Variants in RGS6 observed in about 807,000 individuals in gnomAD.
RGS6 encodes the protein regulator of G protein signaling 6.
Under a neutral mutation model 78.5 loss-of-function variants are expected in RGS6, and 30 were observed. The ratio of observed to expected loss-of-function variants is 0.38; its 90% CI spans 0.29 to 0.52. The LOEUF (loss-of-function observed/expected upper bound fraction) is 0.52, where lower values mean the gene tolerates loss of function less well. Ranked by LOEUF, RGS6 falls within the 20% of genes least tolerant of loss-of-function variation. The pLI, the probability that RGS6 is intolerant of heterozygous loss-of-function variation, is 0.85. For missense variants in RGS6, 495 were observed against 609.7 expected (o/e 0.81, Z 1.98); for synonymous variants, 206 against 206.0 (o/e 1.00, Z 0.00).
At chr14:72,450,163 A>G (rs994914937) in intron 3 of RGS6, among the ~76,000 whole-genome samples, 1 of 151,988 alleles carries the variant, frequency 6.6e-6, no homozygotes, top group Non-Finnish European at 1.5e-5. Context: ...CTCCATATTT[A>G]TATATATCTA....
At chr14:72,172,063 A>T (rs1400570007) in intron 2 of RGS6, among the ~76,000 whole-genome samples, 1 of 152,148 alleles carries the variant, frequency 6.6e-6, no homozygotes, top group Non-Finnish European at 1.5e-5. Context: ...AACTCATTTA[A>T]ATATGGAAGT....
chr14:72,527,280 T>C (rs1443641763), intron 15 of RGS6, among the ~76,000 whole-genome samples: 3 of 152,222 alleles, frequency 2.0e-5, no homozygotes, highest in Non-Finnish European at 4.4e-5. Context: ...CTAACTTTCC[T>C]GCAACCACAC....
the RGS6 span, among the ~76,000 whole-genome samples, chr14:72,603,445 A>T: frequency 6.6e-6 from 1 of 152,228 alleles, no homozygotes; most frequent in African/African-American, 2.4e-5. Context: ...CATGCCTATG[A>T]GGCAAACTGT....
intron 2 of RGS6, among the ~76,000 whole-genome samples, chr14:71,996,791 G>A (rs956124627): frequency 1.3e-5 from 2 of 152,076 alleles, no homozygotes; most frequent in East Asian, 1.9e-4. Flanking sequence ...GGAGGAAGGG[G>A]GTGGCGGGAG....
chr14:72,049,819 A>G (rs1237099668), intron 2 of RGS6, among the ~76,000 whole-genome samples: 1 of 152,218 alleles, frequency 6.6e-6, no homozygotes. Context: ...TTGTAATTTT[A>G]TCTGCCATGT....
the RGS6 span, among the ~76,000 whole-genome samples, chr14:71,887,819 T>C: frequency 6.6e-6 from 1 of 152,322 alleles, no homozygotes; most frequent in East Asian, 1.9e-4. Flanking sequence ...AGTTCTGTTT[T>C]TGCCCTTTGT....
chr14:72,283,988 T>A (rs1219478235), intron 2 of RGS6, among the ~76,000 whole-genome samples: 3 of 152,166 alleles, frequency 2.0e-5, no homozygotes, highest in East Asian at 1.9e-4. Flanking sequence ...TCTTGCTATG[T>A]TTTAGCAAAG....
chr14:71,980,863 A>G (rs914975814), intron 2 of RGS6, among the ~76,000 whole-genome samples: 2 of 97,000 alleles, frequency 2.1e-5, no homozygotes, highest in African/African-American at 7.5e-5. Flanking sequence ...GTGTTTTCCA[A>G]CTTGGTTCCA....
intron 2 of RGS6, among the ~76,000 whole-genome samples, chr14:72,074,719 CAT>C (rs1395749912): frequency 6.6e-6 from 1 of 152,106 alleles, no homozygotes; most frequent in African/African-American, 2.4e-5. Context: ...TATCCTATCT[CAT>C]ATGCAAGAGG....
the RGS6 span, among the ~76,000 whole-genome samples, chr14:72,601,091 A>G: frequency 6.7e-6 from 1 of 148,360 alleles, no homozygotes; most frequent in Non-Finnish European, 1.5e-5. Context: ...AAGGGGAGGA[A>G]AGGGAATAGG....
chr14:72,505,797 G>A (rs915826412), intron 13 of RGS6, among the ~76,000 whole-genome samples: 6 of 152,192 alleles, frequency 3.9e-5, no homozygotes, highest in Non-Finnish European at 5.9e-5. Flanking sequence ...TTTAAATAGG[G>A]CACTGTAAGG....
chr14:72,470,646 G>GC (rs986450288), intron 8 of RGS6, among the ~76,000 whole-genome samples: 4 of 96,176 alleles, frequency 4.2e-5, no homozygotes, highest in South Asian at 3.8e-4. Context: ...GTGAGACCGA[G>GC]GTGGGGGTGG....
chr14:71,880,067 G>A, the RGS6 span, among the ~76,000 whole-genome samples: 1 of 152,216 alleles, frequency 6.6e-6, no homozygotes, highest in Non-Finnish European at 1.5e-5. Context: ...TGGAGCAAAG[G>A]TGGCTCTTGT....
chr14:72,451,158 T>C (rs1860152), intron 3 of RGS6, among the ~76,000 whole-genome samples: 101,538 of 151,990 alleles, frequency 0.67, 34,061 homozygotes, highest in East Asian at 0.82. Context: ...CACTGCAGAT[T>C]GAGTGCAGTG....
the RGS6 span, among the ~76,000 whole-genome samples, chr14:71,878,303 C>A: frequency 6.6e-6 from 1 of 152,196 alleles, no homozygotes; most frequent in Non-Finnish European, 1.5e-5. Flanking sequence ...GGCAGGCAGG[C>A]CTCCTTTAGC....
At chr14:72,550,048 C>G (rs948416282) in intron 17 of RGS6, among the ~76,000 whole-genome samples, 3 of 152,210 alleles carry the variant, frequency 2.0e-5, no homozygotes, top group Non-Finnish European at 2.9e-5. Flanking sequence ...GACACTCCCT[C>G]CTCTCTTGGG....
intron 2 of RGS6, among the ~76,000 whole-genome samples, chr14:72,185,780 C>A (rs2097234909): frequency 6.6e-6 from 1 of 152,116 alleles, no homozygotes; most frequent in Non-Finnish European, 1.5e-5. Context: ...CCCATCTCTA[C>A]AAAAAATGTA....
At chr14:72,610,146 T>C in the RGS6 span, among the ~76,000 whole-genome samples, 1 of 152,198 alleles carries the variant, frequency 6.6e-6, no homozygotes, top group Non-Finnish European at 1.5e-5. Flanking sequence ...CTGGTGCCCA[T>C]ACCTGGAAGA....
intron 1 of RGS6, among the ~76,000 whole-genome samples, chr14:71,948,907 A>G (rs1046522586): frequency 2.6e-5 from 4 of 151,718 alleles, no homozygotes; most frequent in African/African-American, 9.7e-5. Context: ...AACAAATGAA[A>G]TAAATATGAA....
Sources: gnomAD v4.1 joint callset for allele counts (sites outside exome capture counted in the v4.1 genomes callset) on GRCh38, gnomAD v4.1.1 for gene constraint, MANE v1.5 for transcripts, NCBI Gene and HGNC (gene_info 2026-07-23, HGNC 2026-07-21) for gene names.